The following ABCB8 variants were observed in gnomAD, a reference collection of about 807,000 sequenced individuals.
The protein encoded by ABCB8 is ATP binding cassette subfamily B member 8.
In ABCB8, 52 loss-of-function variants were observed where a neutral mutation model predicts 73.0. That is an observed-to-expected ratio of 0.71 (90% CI 0.57 to 0.90). The LOEUF (loss-of-function observed/expected upper bound fraction) is 0.90. Ranked by LOEUF, ABCB8 falls within the 40% of genes least tolerant of loss-of-function variation. ABCB8 has a pLI of 0.00. For missense variants in ABCB8, 909 were observed against 974.6 expected (o/e 0.93, Z 0.90); for synonymous variants, 428 against 423.5 (o/e 1.01, Z -0.13).
At chr7:151,030,511 A>T (rs980610082) in intron 1 of ABCB8, among the ~76,000 whole-genome samples, 1 of 57,732 alleles carries the variant, frequency 1.7e-5, no homozygotes, top group African/African-American at 1.0e-4. Context: ...ACTCCGTCTC[A>T]AATAAATAAA....
rs774547469 is a variant in ABCB8, at chr7:151,033,651, C to T, written c.142C>T (p.His48Tyr). Reference protein sequence around the residue: ...RSSSLLRAVAHLRSQLWAHLP... With the variant: ...RSSSLLRAVAYLRSQLWAHLP... ...CTCCTCCCTCCTCCGGGCCGTGGCC[C>T]ACCTGCGGTCCCAGCTCTGGGCCCA... The change falls in exon 2 of 16, where the codon CAC becomes TAC. Residue 48 changes from histidine (H) to tyrosine (Y), a missense_variant. His to Tyr is a moderately conservative substitution (Grantham distance 83). Transcript: ENST00000358849. 3.7e-6 allele frequency: 6 copies of T among 1,604,446 alleles called. No individual in the cohort carries two copies. The highest frequency in any genetic ancestry group is 1.3e-5 in the African/African-American group (1 of 74,724).
chr7:151,041,865 C>T (rs908307516), intron 13 of ABCB8, 96 bp from the exon 14 acceptor site: 3 of 1,415,974 alleles, frequency 2.1e-6, no homozygotes, highest in South Asian at 1.2e-5. Context: ...TCTAATCCAC[C>T]AGATAGACTG....
chr7:151,034,160 C>T lies in ABCB8; in HGVS notation c.409-113C>T, dbSNP rs906663670. 9 of 1,317,586 alleles carry T rather than the reference C, an allele frequency of 6.8e-6. No individual in the cohort carries two copies. The East Asian group carries it at 7.0e-5, about 10-fold the overall frequency. The allele number at this position is 1,317,586 out of a possible 1,614,324, so 81.6% of individuals were successfully genotyped here. ...ATGTGTCCACATGACCAGCCACAACCTGGACAAGCGCAGTGCTCAGTAGTG... is the reference window on the plus strand; with the variant it reads ...ATGTGTCCACATGACCAGCCACAACTTGGACAAGCGCAGTGCTCAGTAGTG... On this transcript the variant is annotated intron_variant, in intron 2 of 15. Coordinates refer to ENST00000358849, the MANE Select transcript of ABCB8 (RefSeq NM_007188.5).
At position 151,040,842 on chromosome 7, in the gene ABCB8, C is replaced by A. The variant is rs201897421; in HGVS notation, c.1403C>A (p.Pro468His). The change falls in exon 12 of 16, where the codon CCC (proline) becomes CAC (histidine). Residue 468 changes from proline (P) to histidine (H), a missense_variant. Transcript: ENST00000358849. ...GCTCCTCCCAGCTACCCCTGCCGCC[C>A]CGGCTTCGAGGTGCTGAAAGACTTC... ...QNVCFSYPCR[P>H]GFEVLKDFTL... The A allele has an allele frequency of 1.8e-5, 29 of 1,596,220 alleles. No homozygotes were observed. The East Asian group carries it at 5.9e-4, about 33-fold the overall frequency.
intron 1 of ABCB8, 122 bp from the exon 2 acceptor site, chr7:151,033,483 G>C (rs1182918190): frequency 4.1e-5 from 60 of 1,460,988 alleles, no homozygotes; most frequent in Non-Finnish European, 4.0e-5. Context: ...AAGGGCAGGG[G>C]CAAGGGCCTG....
chr7:151,037,249 G>A (rs1192396959), intron 9 of ABCB8: 17 of 702,972 alleles, frequency 2.4e-5, no homozygotes, highest in East Asian at 5.4e-5. Context: ...AGCTTCCTCC[G>A]TGTTGCACCC....
chr7:151,036,883 C>T, intron 9 of ABCB8: 1 of 755,584 alleles, frequency 1.3e-6, no homozygotes, highest in Non-Finnish European at 2.4e-6. Flanking sequence ...CATCTTCAGC[C>T]TTCCAAAGGA....
chr7:151,038,253 T>A (rs963027059), intron 9 of ABCB8: 1 of 151,708 alleles, frequency 6.6e-6, no homozygotes, highest in Non-Finnish European at 1.5e-5. Context: ...CTGGGTGCGG[T>A]GGCGCACACC....
intron 13 of ABCB8, 35 bp from the exon 14 acceptor site, chr7:151,041,926 C>A: frequency 6.2e-7 from 1 of 1,606,830 alleles, no homozygotes; most frequent in Non-Finnish European, 8.5e-7. Flanking sequence ...GAGAATGTTT[C>A]TATGGACTCT....
At position 151,041,291 on chromosome 7, in the gene ABCB8, C is replaced by T. The variant is rs115043906; in HGVS notation, c.1617+59C>T. The T allele has an allele frequency of 1.3e-3, 2,028 of 1,525,046 alleles. 26 individuals are homozygous for T. The African/African-American group carries it at 0.024, about 18-fold the overall frequency. The allele number at this position is 1,525,046 out of a possible 1,614,324, so 94.5% of individuals were successfully genotyped here. ...CTGCCCGTCCTCCCCTGGGCCCTGC[C>T]CCCTTAGTCCTCAGGTGCCTTTTCT... is the stretch of plus-strand genomic sequence containing the variant. On this transcript the variant is annotated intron_variant, in intron 13 of 15. Coordinates refer to ENST00000358849, the MANE Select transcript of ABCB8 (RefSeq NM_007188.5).
In ABCB8 at chr7:151,045,624, C is replaced by T. The variant is rs1796594057; in HGVS notation, c.*275C>T. The T allele has an allele frequency of 2.6e-6, 1 of 383,736 alleles. No homozygotes were observed. The highest frequency in any genetic ancestry group is 2.1e-5 in the African/African-American group (1 of 48,128). 23.8% of individuals were successfully genotyped at this position (383,736 alleles called of 1,614,324 possible). A position where few individuals can be genotyped will look rare whatever the true frequency, so the allele number is the denominator to read the frequency against. ...AGAGACAGAGTTCCACGAGACACCT[C>T]CACTCTATTCTCCCTTTGCCCAGAC... On this transcript the variant is annotated 3_prime_UTR_variant, in exon 16 of 16. Transcript: ENST00000358849.
At chr7:151,039,479 G>A (rs1380247624) in intron 9 of ABCB8, 1 of 152,316 alleles carries the variant, frequency 6.6e-6, no homozygotes, top group Non-Finnish European at 1.5e-5. Flanking sequence ...ACTGTCACAG[G>A]TCAGCCAGGC....
rs752576103 is a variant in ABCB8 at position 151,040,585 on chromosome 7, C to T, written c.1339C>T (p.Pro447Ser). Reference sequence around the variant, plus strand: ...CCCACTGTCTGGGGGCTGCTGCGTCCCCAAAGAGCAGCTGCGTGGCTCCGT... The same window carrying T: ...CCCACTGTCTGGGGGCTGCTGCGTCTCCAAAGAGCAGCTGCGTGGCTCCGT... ...CIPLSGGCCVPKEQLRGSVTF... is the reference protein window; with the variant it reads ...CIPLSGGCCVSKEQLRGSVTF... Residue 447 changes from proline to serine, a missense_variant, in exon 11 of 16, where the codon CCC becomes TCC. By Grantham distance (74) the Pro-to-Ser change is moderately conservative. Coordinates refer to ENST00000358849, the MANE Select transcript of ABCB8 (RefSeq NM_007188.5). 3 of 1,613,346 alleles carry T rather than the reference C, an allele frequency of 1.9e-6. No homozygotes were observed. Among genetic ancestry groups the T allele is most frequent in the Non-Finnish European group, 1.7e-6 (2 of 1,179,938 alleles).
Position 151,047,632 on chromosome 7 carries a change from C to CT in ABCB8, c.*2284dup, listed in dbSNP as rs1440106027. The CT allele has an allele frequency of 2.6e-5, 4 of 152,216 alleles. No individual in the cohort carries two copies. The highest frequency in any genetic ancestry group is 6.5e-5 in the Admixed American group (1 of 15,284). The allele number at this position is 152,216 out of a possible 1,614,324, so 9.4% of individuals were successfully genotyped here. A position where few individuals can be genotyped will look rare whatever the true frequency, so the allele number is the denominator to read the frequency against. ...ACGTTTGGCTGGTGGAACCATGTTT[C>CT]TACCACTCATGGTCAAAAAAAGCCC... On this transcript the variant is annotated 3_prime_UTR_variant, in exon 16 of 16. Coordinates refer to ENST00000358849, the MANE Select transcript of ABCB8 (RefSeq NM_007188.5).
Position 151,045,286 on chromosome 7 carries a change from G to C in ABCB8, c.2094G>C (p.Pro698=). The C allele has an allele frequency of 6.2e-7, 1 of 1,604,074 alleles. No homozygotes were observed. Among genetic ancestry groups the C allele is most frequent in the South Asian group, 1.1e-5 (1 of 89,776 alleles). ...ELIRRQALDA[P]RTAAPPPKKP... ...TCCGGAGGCAGGCCCTGGATGCCCCGAGGACAGCGGCCCCACCGCCCAAAA... is the reference window on the plus strand; with the variant it reads ...TCCGGAGGCAGGCCCTGGATGCCCCCAGGACAGCGGCCCCACCGCCCAAAA... The change falls in exon 16 of 16, where the codon CCG becomes CCC. Residue 698 remains proline, a synonymous_variant. Transcript: ENST00000358849.
At chr7:151,029,404 G>A (rs919219137) in intron 1 of ABCB8, among the ~76,000 whole-genome samples, 1 of 151,898 alleles carries the variant, frequency 6.6e-6, no homozygotes, top group East Asian at 1.9e-4. Flanking sequence ...CAGACAGACA[G>A]ATGGGAAACA....
Position 151,040,649 on chromosome 7 carries a change from G to T in ABCB8, c.1388+15G>T, listed in dbSNP as rs765636451. 1 of 1,608,686 alleles carries T rather than the reference G, an allele frequency of 6.2e-7. No individual in the cohort carries two copies. Among genetic ancestry groups the T allele is most frequent in the Non-Finnish European group, 8.5e-7 (1 of 1,176,800 alleles). ...GTCTGCTTCAGGTCAGCACGGGTGA[G>T]CAGGCGTGGGGATGGGTCCCTGGGC... is the stretch of plus-strand genomic sequence containing the variant. On this transcript the variant is annotated intron_variant, in intron 11 of 15. Coordinates refer to ENST00000358849, the MANE Select transcript of ABCB8 (RefSeq NM_007188.5).
At position 151,045,563 on chromosome 7, in the gene ABCB8, A is replaced by G. The variant is rs375172851; in HGVS notation, c.*214A>G. On this transcript the variant is annotated 3_prime_UTR_variant, in exon 16 of 16. Coordinates refer to ENST00000358849, the MANE Select transcript of ABCB8 (RefSeq NM_007188.5). Reference sequence around the variant, plus strand: ...CAGTCCTGCCGGCTGCCTCCCTCCCACCAGAGTCTGCCAGAGTCATTGGGC... The same window carrying G: ...CAGTCCTGCCGGCTGCCTCCCTCCCGCCAGAGTCTGCCAGAGTCATTGGGC... 7.8e-6 allele frequency: 4 copies of G among 512,928 alleles called. No homozygotes were observed. Among genetic ancestry groups the G allele is most frequent in the East Asian group, 7.3e-5 (2 of 27,510 alleles). 31.8% of individuals were successfully genotyped at this position (512,928 alleles called of 1,614,324 possible).
At position 151,028,751 on chromosome 7, in the gene ABCB8, C is replaced by T; in HGVS notation, c.95+141C>T. On this transcript the variant is annotated intron_variant, in intron 1 of 15. Transcript: ENST00000358849. ...AGGCCTACCGGGGTGGAATGTCACT[C>T]CGCGGGTGTTGGCCTCAATTATTTA... The T allele has an allele frequency of 2.6e-6, 4 of 1,534,704 alleles. No homozygotes were observed. The South Asian group carries it at 3.6e-5, about 14-fold the overall frequency.
Sources: gnomAD v4.1 joint callset for allele counts (sites outside exome capture counted in the v4.1 genomes callset) on GRCh38, gnomAD v4.1.1 for gene constraint, MANE v1.5 for transcripts, NCBI Gene and HGNC (gene_info 2026-07-23, HGNC 2026-07-21) for gene names.